The following PCDHGA2 variants were observed in gnomAD, a reference collection of about 807,000 sequenced individuals.
The protein encoded by PCDHGA2 is protocadherin gamma subfamily A, 2.
In PCDHGA2, 40 loss-of-function variants were observed where a neutral mutation model predicts 59.2. The ratio of observed to expected loss-of-function variants is 0.68; its 90% CI spans 0.52 to 0.88. PCDHGA2 has a LOEUF of 0.88. PCDHGA2 is among the 40% of genes least tolerant of loss of function. The pLI, the probability that PCDHGA2 is intolerant of heterozygous loss-of-function variation, is 0.00. For synonymous variants in PCDHGA2, 560 were observed against 526.0 expected (o/e 1.06, Z -0.89); for missense variants, 1,226 against 1,204.0 (o/e 1.02, Z -0.27).
At chr5:141,352,804 A>C (rs913293903) in intron 1 of PCDHGA2, 1 of 887,046 alleles carries the variant, frequency 1.1e-6, no homozygotes, top group Non-Finnish European at 1.7e-6. Context: ...AGCATAGCCA[A>C]GATGGTAAAA....
At chr5:141,376,267 G>C (rs1021502624) in intron 1 of PCDHGA2, 2 of 1,614,092 alleles carry the variant, frequency 1.2e-6, no homozygotes, top group African/African-American at 2.7e-5. Context: ...TGCAGGCTTC[G>C]GGAGGTGGCT....
At chr5:141,463,587 T>TA (rs2099064735) in intron 1 of PCDHGA2, among the ~76,000 whole-genome samples, 1 of 152,058 alleles carries the variant, frequency 6.6e-6, no homozygotes, top group East Asian at 1.9e-4. Context: ...TAGCTGGGAC[T>TA]ACAGGTGCCT....
chr5:141,486,189 A>T lies in PCDHGA2; in HGVS notation c.2425-8618A>T, dbSNP rs761466492. 6.2e-7 allele frequency: 1 copy of T among 1,614,062 alleles called. No individual in the cohort carries two copies. Among genetic ancestry groups the T allele is most frequent in the Non-Finnish European group, 8.5e-7 (1 of 1,179,994 alleles). ...GAGCAACATTGCAGCCTTCGAGTGG[A>T]TCTGCTGGACGTAAATGACAATGCC... is the stretch of plus-strand genomic sequence containing the variant. On this transcript the variant is annotated intron_variant, in intron 1 of 3. Coordinates refer to ENST00000394576, the MANE Select transcript of PCDHGA2 (RefSeq NM_018915.4). The surrounding 1 kb of genome is among the most constrained non-coding windows in gnomAD (Gnocchi z 5.0).
At chr5:141,498,971 G>GGGAGGGAAGGAAGGAAGGAAGGAA (rs2099787588) in intron 2 of PCDHGA2, among the ~76,000 whole-genome samples, 6 of 110,972 alleles carry the variant, frequency 5.4e-5, no homozygotes, top group Admixed American at 5.3e-4. Flanking sequence ...GAGGGAGGGA[G>GGGAGGGAAGGAAGGAAGGAAGGAA]GGAAGGAAGG....
intron 1 of PCDHGA2, chr5:141,423,100 G>C (rs2096709499): frequency 6.2e-7 from 1 of 1,613,944 alleles, no homozygotes; most frequent in Non-Finnish European, 8.5e-7. Context: ...GGAGCACACG[G>C]GCGAGGTGCG....
chr5:141,346,916 A>G (rs935999484), intron 1 of PCDHGA2, among the ~76,000 whole-genome samples: 17 of 152,270 alleles, frequency 1.1e-4, no homozygotes, highest in Admixed American at 5.2e-4. Context: ...GTAAAAATAC[A>G]TATGAATAAA....
rs1167812243 is a variant in PCDHGA2, at chr5:141,414,179, C to T, written c.2424+72784C>T. ...GATGGAGGAGCATATCTTGCAACTG[C>T]AAAAGTGTTGATTACAGTAGAAGAT... On this transcript the variant is annotated intron_variant, in intron 1 of 3. Transcript: ENST00000394576. 3 of 1,608,128 alleles carry T rather than the reference C, an allele frequency of 1.9e-6. No individual in the cohort carries two copies. In the South Asian group the frequency reaches 3.3e-5, roughly 18 times the overall value.
chr5:141,389,001 G>T (rs1313177903), intron 1 of PCDHGA2: 1 of 1,614,018 alleles, frequency 6.2e-7, no homozygotes, highest in Non-Finnish European at 8.5e-7. Context: ...CCGTGACAAG[G>T]ATTCCAGACA....
chr5:141,392,775 A>C (rs777775450), intron 1 of PCDHGA2: 1 of 1,524,280 alleles, frequency 6.6e-7, no homozygotes, highest in South Asian at 1.3e-5. Context: ...CCATTTATGC[A>C]CAGTGAAGAT....
intron 1 of PCDHGA2, chr5:141,413,689 C>A: frequency 1.2e-6 from 2 of 1,613,800 alleles, no homozygotes; most frequent in Non-Finnish European, 1.7e-6. Flanking sequence ...GAACTCCCTG[C>A]AGAGCTATCA....
At chr5:141,361,752 G>T (rs1860253) in intron 1 of PCDHGA2, 5 of 1,613,022 alleles carry the variant, frequency 3.1e-6, no homozygotes, top group East Asian at 4.5e-5. Flanking sequence ...ACCAGGGCTC[G>T]CCCGCGCTCA....
chr5:141,476,055 GT>G lies in PCDHGA2; in HGVS notation c.2425-18749del. 6.7e-7 allele frequency: 1 copy of G among 1,503,516 alleles called. No homozygotes were observed. Among genetic ancestry groups the G allele is most frequent in the South Asian group, 1.3e-5 (1 of 75,386 alleles). The allele number at this position is 1,503,516 out of a possible 1,614,324, so 93.1% of individuals were successfully genotyped here. ...GCGCCCAAGCGCTAACCCGCTGAAA[GT>G]TTCTCAGCGAAATCTCAGGGACGAT... On this transcript the variant is annotated intron_variant, in intron 1 of 3. Transcript: ENST00000394576. The surrounding 1 kb of genome is among the most constrained non-coding windows in gnomAD (Gnocchi z 7.6).
chr5:141,352,636 C>T (rs1433554231), intron 1 of PCDHGA2: 7 of 1,609,730 alleles, frequency 4.3e-6, no homozygotes, highest in Non-Finnish European at 5.9e-6. Flanking sequence ...ATGAAGATCA[C>T]AAAATCGCTT....
chr5:141,465,574 C>T (rs1477852984), intron 1 of PCDHGA2, among the ~76,000 whole-genome samples: 2 of 152,160 alleles, frequency 1.3e-5, no homozygotes, highest in Admixed American at 1.3e-4. Context: ...TTTCTCAAAA[C>T]ACTCTCATAA....
At chr5:141,404,812 GC>G in intron 1 of PCDHGA2, 1 of 1,611,168 alleles carries the variant, frequency 6.2e-7, no homozygotes, top group African/African-American at 1.4e-5. Context: ...TCTCGGTGGG[GC>G]TGCACACAGG....
chr5:141,398,890 G>A (rs763743728), intron 1 of PCDHGA2: 1 of 1,613,920 alleles, frequency 6.2e-7, no homozygotes, highest in East Asian at 2.2e-5. Context: ...TCGGGAAAAC[G>A]TGCCACCAGG....
chr5:141,489,363 G>T lies in PCDHGA2; in HGVS notation c.2425-5444G>T, dbSNP rs767837736. 20 of 1,613,114 alleles carry T rather than the reference G, an allele frequency of 1.2e-5. No homozygotes were observed. Among genetic ancestry groups the T allele is most frequent in the Non-Finnish European group, 1.7e-5 (20 of 1,179,354 alleles). ...ACTCAGTGGTGGAGGAGTCTGAGCCGGGGACGCTGGTGGGGAATGTTGCTC... is the reference window on the plus strand; with the variant it reads ...ACTCAGTGGTGGAGGAGTCTGAGCCTGGGACGCTGGTGGGGAATGTTGCTC... On this transcript the variant is annotated intron_variant, in intron 1 of 3. Transcript: ENST00000394576. The surrounding 1 kb of genome is among the most constrained non-coding windows in gnomAD (Gnocchi z 4.5).
intron 1 of PCDHGA2, chr5:141,398,058 T>C (rs921277104): frequency 2.0e-6 from 3 of 1,525,504 alleles, no homozygotes; most frequent in African/African-American, 1.4e-5. Flanking sequence ...GATCCAAAAA[T>C]CTACAATACA....
intron 1 of PCDHGA2, among the ~76,000 whole-genome samples, chr5:141,466,570 T>C (rs967163331): frequency 6.6e-6 from 1 of 152,202 alleles, no homozygotes; most frequent in East Asian, 1.9e-4. Flanking sequence ...TCTTCAACAT[T>C]GTCTCATCCC....
Sources: gnomAD v4.1 joint callset for allele counts (sites outside exome capture counted in the v4.1 genomes callset) on GRCh38, gnomAD v4.1.1 for gene constraint, Gnocchi (gnomAD v3.1) non-coding constraint, MANE v1.5 for transcripts, NCBI Gene and HGNC (gene_info 2026-07-23, HGNC 2026-07-21) for gene names.